The following ATAD5 variants were observed in gnomAD, a reference collection of about 807,000 sequenced individuals.
The protein encoded by ATAD5 is ATPase family AAA domain-containing protein 5.
In ATAD5, 58 loss-of-function variants were observed where a neutral mutation model predicts 176.9. The observed-to-expected ratio is 0.33, with a 90% CI of 0.27 to 0.41. The LOEUF (loss-of-function observed/expected upper bound fraction) is 0.41, where lower values mean the gene tolerates loss of function less well. ATAD5 is among the 10% of genes least tolerant of loss of function. The probability of loss-of-function intolerance (pLI) is 1.00; values close to 1 mark genes in which losing one functional copy is unlikely to be tolerated. For missense variants in ATAD5, 1,789 were observed against 2,094.1 expected (o/e 0.85, Z 2.84); for synonymous variants, 640 against 712.6 (o/e 0.90, Z 1.62).
intron 1 of ATAD5, among the ~76,000 whole-genome samples, chr17:30,832,907 G>A (rs938270974): frequency 1.1e-4 from 16 of 152,322 alleles, no homozygotes; most frequent in Admixed American, 2.6e-4. Context: ...TAGTATCTGC[G>A]GTTAGGAATC....
chr17:30,892,150 C>T (rs921603054), intron 19 of ATAD5, among the ~76,000 whole-genome samples: 13 of 151,866 alleles, frequency 8.6e-5, no homozygotes, highest in Non-Finnish European at 1.5e-4. Flanking sequence ...TATGGCCAGG[C>T]GCAGTGGCTC....
At chr17:30,833,452 G>A (rs1905503634) in intron 1 of ATAD5, among the ~76,000 whole-genome samples, 1 of 152,056 alleles carries the variant, frequency 6.6e-6, no homozygotes, top group African/African-American at 2.4e-5. Context: ...ATGATCTATT[G>A]TCTGTATTCT....
At chr17:30,854,797 A>T (rs1330887567) in intron 6 of ATAD5, among the ~76,000 whole-genome samples, 1 of 151,898 alleles carries the variant, frequency 6.6e-6, no homozygotes, top group African/African-American at 2.4e-5. Flanking sequence ...CCCAGACTGG[A>T]AGGCTAGATA....
At chr17:30,856,346 G>A (rs907736617) in intron 7 of ATAD5, among the ~76,000 whole-genome samples, 2 of 152,190 alleles carry the variant, frequency 1.3e-5, no homozygotes, top group South Asian at 4.1e-4. Context: ...TCTCGCCAGT[G>A]CTCACAAGGT....
At chr17:30,887,473 T>C (rs1909384657) in intron 19 of ATAD5, 101 bp downstream of exon 19, 1 of 973,594 alleles carries the variant, frequency 1.0e-6, no homozygotes, top group South Asian at 1.6e-5. Flanking sequence ...TCCCAGCACT[T>C]TGGGGGAGTG....
Position 30,893,671 on chromosome 17 carries a change from C to A in ATAD5, c.4818C>A (p.Thr1606=), listed in dbSNP as rs373942120. The change falls in exon 21 of 23, where the codon ACC becomes ACA. Residue 1606 remains threonine (T), a synonymous_variant. Transcript: ENST00000321990. The part of the protein sequence containing the change: ...SSSSNAEESK[T]GDEESKARDK... ...CCTCAAATGCAGAAGAAAGCAAAAC[C>A]GGAGACGAAGAAAGCAAAGCCAGAG... The A allele has an allele frequency of 5.6e-6, 9 of 1,613,070 alleles. No homozygotes were observed. The highest frequency in any genetic ancestry group is 1.3e-5 in the African/African-American group (1 of 74,778).
At chr17:30,858,554 T>C (rs546733218) in intron 9 of ATAD5, among the ~76,000 whole-genome samples, 44 of 151,818 alleles carry the variant, frequency 2.9e-4, no homozygotes, top group Admixed American at 2.6e-4. Flanking sequence ...CCCTGCTAAT[T>C]TTTGTATTTT....
At chr17:30,877,643 C>A in intron 16 of ATAD5, 94 bp downstream of exon 16, 1 of 1,306,688 alleles carries the variant, frequency 7.7e-7, no homozygotes, top group Non-Finnish European at 1.1e-6. Context: ...TGTAAAATAG[C>A]TAAGGAGGTC....
chr17:30,832,317 C>T lies in ATAD5; in HGVS notation c.-31C>T. 6.5e-7 allele frequency: 1 copy of T among 1,531,518 alleles called. No homozygotes were observed. Among genetic ancestry groups the T allele is most frequent in the African/African-American group, 1.4e-5 (1 of 71,168 alleles). The allele number at this position is 1,531,518 out of a possible 1,614,324, so 94.9% of individuals were successfully genotyped here. Reference sequence around the variant, plus strand: ...AGGCCGGGCTGGACCGCGTGAGGTCCTAGGAGACGGGATTCCGGGAAGCGG... The same window carrying T: ...AGGCCGGGCTGGACCGCGTGAGGTCTTAGGAGACGGGATTCCGGGAAGCGG... On this transcript the variant is annotated 5_prime_UTR_variant, in exon 1 of 23. Coordinates refer to ENST00000321990, the MANE Select transcript of ATAD5 (RefSeq NM_024857.5).
At chr17:30,851,474 C>T (rs1906963133) in intron 6 of ATAD5, among the ~76,000 whole-genome samples, 1 of 142,302 alleles carries the variant, frequency 7.0e-6, no homozygotes, top group Admixed American at 7.3e-5. Flanking sequence ...CCAGCCTGGG[C>T]AACAGAGCAA....
At chr17:30,869,457 A>C (rs749395682) in intron 13 of ATAD5, 39 bp from the exon 14 acceptor site, 2 of 1,608,030 alleles carry the variant, frequency 1.2e-6, no homozygotes, top group Admixed American at 3.5e-5. Context: ...GGAAACATAA[A>C]CCATTCTCCC....
At position 30,879,390 on chromosome 17, in the gene ATAD5, A is replaced by ATTTT. The variant is rs375473088; in HGVS notation, c.4013-24_4013-21dup. ...TATTTATTGGTCTTAGTGTTTAAGAATTTTTTTTTTTTGTGTGTGTGTGTG... is the reference window on the plus strand; with the variant it reads ...TATTTATTGGTCTTAGTGTTTAAGAATTTTTTTTTTTTTTTTGTGTGTGTGTGTG... On this transcript the variant is annotated intron_variant, in intron 17 of 22. Coordinates refer to ENST00000321990, the MANE Select transcript of ATAD5 (RefSeq NM_024857.5). The ATTTT allele has an allele frequency of 6.6e-6, 8 of 1,210,656 alleles. No homozygotes were observed. The Admixed American group carries it at 6.7e-5, about 10-fold the overall frequency. The allele number at this position is 1,210,656 out of a possible 1,614,324, so 75.0% of individuals were successfully genotyped here.
chr17:30,875,705 A>G (rs372989661), intron 14 of ATAD5, among the ~76,000 whole-genome samples: 279 of 150,826 alleles, frequency 1.8e-3, no homozygotes, highest in African/African-American at 6.5e-3. Flanking sequence ...GCTGGGCAGG[A>G]GGATCACTTG....
At chr17:30,868,962 G>A (rs372353577) in intron 12 of ATAD5, among the ~76,000 whole-genome samples, 150 of 148,658 alleles carry the variant, frequency 1.0e-3, no homozygotes, top group African/African-American at 3.5e-3. Context: ...TCAGCCTACC[G>A]AGTACCTGGG....
In ATAD5 at chr17:30,835,535, C is replaced by T. The variant is rs752880274; in HGVS notation, c.1454C>T (p.Thr485Ile). 8 of 1,608,884 alleles carry T rather than the reference C, an allele frequency of 5.0e-6. No homozygotes were observed. The South Asian group carries it at 6.7e-5, about 14-fold the overall frequency. ...NKKLKKKNKK[T>I]LDTGAIPGKN... ...AAGCTAAAGAAGAAGAATAAGAAAACATTAGATACTGGGGCTATTCCAGGC... is the reference window on the plus strand; with the variant it reads ...AAGCTAAAGAAGAAGAATAAGAAAATATTAGATACTGGGGCTATTCCAGGC... Residue 485 changes from threonine (T) to isoleucine (I), a missense_variant, in exon 2 of 23, where the codon ACA (threonine) becomes ATA (isoleucine). By Grantham distance (89) the Thr-to-Ile change is moderately conservative (BLOSUM62 -1). This residue lies in a region of ATAD5 where 696 missense variants were observed against 712.5 expected (regional missense o/e 0.98). Transcript: ENST00000321990.
chr17:30,855,350 A>G (rs756001900), intron 7 of ATAD5, 23 bp downstream of exon 7: 3 of 1,558,592 alleles, frequency 1.9e-6, no homozygotes, highest in Non-Finnish European at 2.6e-6. Context: ...TTTATTATTG[A>G]ATATTTACTC....
intron 3 of ATAD5, among the ~76,000 whole-genome samples, chr17:30,839,804 G>A (rs2142313630): frequency 6.8e-6 from 1 of 147,610 alleles, no homozygotes; most frequent in Non-Finnish European, 1.5e-5. Flanking sequence ...AGGGATGTCT[G>A]GAACTCCTGA....
At chr17:30,856,143 CAG>C (rs1219314276) in intron 7 of ATAD5, among the ~76,000 whole-genome samples, 2 of 152,152 alleles carry the variant, frequency 1.3e-5, no homozygotes, top group Non-Finnish European at 2.9e-5. Context: ...TGTAGATGAG[CAG>C]AGAGGCAAGC....
At chr17:30,855,405 A>T in intron 7 of ATAD5, 78 bp downstream of exon 7, 3 of 1,356,414 alleles carry the variant, frequency 2.2e-6, no homozygotes, top group Non-Finnish European at 3.0e-6. Context: ...TTTCTTAAAG[A>T]TGAGGCTGAA....
Sources: allele counts gnomAD v4.1 joint callset (sites outside exome capture counted in the v4.1 genomes callset), GRCh38; gene constraint gnomAD v4.1.1; regional missense constraint gnomAD v4.1.1; transcripts MANE v1.5; gene names NCBI Gene and HGNC (gene_info 2026-07-23, HGNC 2026-07-21).